The following NMNAT2 variants were observed in gnomAD, a reference collection of about 807,000 sequenced individuals.
NMNAT2 encodes nicotinamide/nicotinic acid mononucleotide adenylyltransferase 2.
In NMNAT2, 11 loss-of-function variants were observed where a neutral mutation model predicts 41.6. The ratio of observed to expected loss-of-function variants is 0.26; its 90% CI spans 0.17 to 0.44. NMNAT2 has a LOEUF of 0.44. Among genes scored for constraint, NMNAT2 ranks in the 20% least tolerant of loss-of-function variants. The pLI is 1.00. For synonymous variants in NMNAT2, 148 were observed against 151.2 expected, an observed-to-expected ratio of 0.98 and a Z score of 0.16; for missense variants, 288 against 407.7, an observed-to-expected ratio of 0.71 and a Z score of 2.53.
intron 1 of NMNAT2, among the ~76,000 whole-genome samples, chr1:183,401,516 A>G (rs1266126271): frequency 6.6e-6 from 1 of 152,216 alleles, no homozygotes; most frequent in Non-Finnish European, 1.5e-5. Flanking sequence ...GCGATTCCTG[A>G]AGGATCTAGA....
chr1:183,309,469 T>A (rs150897636), intron 1 of NMNAT2, among the ~76,000 whole-genome samples: 148 of 152,338 alleles, frequency 9.7e-4, no homozygotes, highest in African/African-American at 2.8e-3. Flanking sequence ...AGGCCTCATG[T>A]CACTCACTCT....
At chr1:183,319,042 G>A (rs1005452013) in intron 1 of NMNAT2, among the ~76,000 whole-genome samples, 2 of 152,164 alleles carry the variant, frequency 1.3e-5, no homozygotes, top group African/African-American at 2.4e-5. Context: ...ACTGTCTTGT[G>A]GGGACACAGG....
chr1:183,351,767 C>T (rs1663051138), intron 1 of NMNAT2, among the ~76,000 whole-genome samples: 1 of 152,096 alleles, frequency 6.6e-6, no homozygotes, highest in South Asian at 2.1e-4. Flanking sequence ...AGCTGCTGGT[C>T]CTTCCACAAT....
chr1:183,304,667 C>T (rs1366573164), intron 1 of NMNAT2: 4 of 1,613,506 alleles, frequency 2.5e-6, no homozygotes, highest in Non-Finnish European at 3.4e-6. Flanking sequence ...TGTCTGAACT[C>T]ACCTGAGAGA....
intron 1 of NMNAT2, among the ~76,000 whole-genome samples, chr1:183,416,281 G>A (rs150631884): frequency 1.3e-5 from 2 of 152,346 alleles, no homozygotes; most frequent in African/African-American, 4.8e-5. Context: ...AGCAGTACCT[G>A]CTGGGTCATC....
Position 183,261,298 on chromosome 1 carries a change from C to T in NMNAT2, c.657G>A (p.Glu219=). ...CAATCCCAAAGTCACCAACAATCAC[C>T]TCCATCTAAAGAAACAGAGAGAGGG... ...IPGLWNEADM[E]VIVGDFGIVV... Residue 219 remains glutamate, a synonymous_variant, in exon 9 of 11, where the codon GAG becomes GAA. Transcript: ENST00000287713. 6.2e-7 allele frequency: 1 copy of T among 1,613,298 alleles called. No homozygotes were observed. The highest frequency in any genetic ancestry group is 1.1e-5 in the South Asian group (1 of 91,054).
chr1:183,291,698 A>G (rs755602443), intron 3 of NMNAT2, among the ~76,000 whole-genome samples: 1 of 152,168 alleles, frequency 6.6e-6, no homozygotes, highest in African/African-American at 2.4e-5. Context: ...GGTCCCCAGC[A>G]TCCCCAGAAG....
At chr1:183,405,204 A>G (rs1379444146) in intron 1 of NMNAT2, among the ~76,000 whole-genome samples, 1 of 152,142 alleles carries the variant, frequency 6.6e-6, no homozygotes, top group East Asian at 1.9e-4. Flanking sequence ...TGGGTGACAG[A>G]GCAAGACTCT....
chr1:183,411,864 G>T lies in NMNAT2; in HGVS notation c.85+6319C>A, dbSNP rs574679664. On this transcript the variant is annotated intron_variant, in intron 1 of 10. Transcript: ENST00000287713. ...GTGCAATTTTAAATTATGTGATCAG[G>T]GGAGTAGGTTCTGCCAAGTGGACAA... 3.3e-5 allele frequency among the ~76,000 whole-genome samples: 5 copies of T among 152,264 alleles called. No homozygotes were observed. In the East Asian group the frequency reaches 9.7e-4, roughly 29 times the overall value.
chr1:183,260,314 G>T (rs1287907266), intron 10 of NMNAT2, among the ~76,000 whole-genome samples: 1 of 152,216 alleles, frequency 6.6e-6, no homozygotes, highest in Non-Finnish European at 1.5e-5. Flanking sequence ...TGAGGCCATA[G>T]ATTCCATCTT....
intron 1 of NMNAT2, among the ~76,000 whole-genome samples, chr1:183,342,991 A>T (rs1322483259): frequency 6.6e-6 from 1 of 151,798 alleles, no homozygotes; most frequent in Admixed American, 6.6e-5. Flanking sequence ...TCCCACCTCA[A>T]CCTCCCAAAG....
At chr1:183,262,867 G>A (rs980486833) in intron 8 of NMNAT2, among the ~76,000 whole-genome samples, 1 of 152,224 alleles carries the variant, frequency 6.6e-6, no homozygotes, top group African/African-American at 2.4e-5. Context: ...GAGGTAGGTG[G>A]CTTCTAAGCA....
At chr1:183,314,785 A>C (rs1273350440) in intron 1 of NMNAT2, among the ~76,000 whole-genome samples, 1 of 152,218 alleles carries the variant, frequency 6.6e-6, no homozygotes, top group African/African-American at 2.4e-5. Context: ...AAGCTGAGGC[A>C]GGAGCCTTCC....
chr1:183,384,888 AC>A (rs1648157246), intron 1 of NMNAT2, among the ~76,000 whole-genome samples: 1 of 152,060 alleles, frequency 6.6e-6, no homozygotes, highest in Non-Finnish European at 1.5e-5. Context: ...TATGACCAAG[AC>A]CATTACCAAA....
intron 1 of NMNAT2, among the ~76,000 whole-genome samples, chr1:183,345,832 AC>A (rs1028429436): frequency 4.6e-5 from 7 of 151,492 alleles, no homozygotes; most frequent in African/African-American, 1.7e-4. Flanking sequence ...GACTACAGGC[AC>A]CCGCCACCAT....
At chr1:183,404,905 A>G (rs2788061) in intron 1 of NMNAT2, among the ~76,000 whole-genome samples, 104,836 of 152,108 alleles carry the variant, frequency 0.69, 36,362 homozygotes, top group East Asian at 0.91. Flanking sequence ...CAGATAGACA[A>G]AGAAGCAATT....
chr1:183,257,339 G>C (rs1660542514), intron 10 of NMNAT2, among the ~76,000 whole-genome samples: 1 of 152,004 alleles, frequency 6.6e-6, no homozygotes, highest in African/African-American at 2.4e-5. Context: ...TACTTGGGAG[G>C]CTGAGGCAGG....
At chr1:183,253,904 CGTGTGTGTGTGTGTGT>C (rs139756017) in intron 10 of NMNAT2, among the ~76,000 whole-genome samples, 22 of 144,372 alleles carry the variant, frequency 1.5e-4, no homozygotes, top group African/African-American at 5.1e-4. Context: ...GTTCCACTTC[CGTGTGTGTGTGTGTGT>C]GTGTGTGTGT....
intron 1 of NMNAT2, among the ~76,000 whole-genome samples, chr1:183,416,536 T>C (rs1649256109): frequency 6.6e-6 from 1 of 152,248 alleles, no homozygotes; most frequent in South Asian, 2.1e-4. Context: ...AGAAGACTGA[T>C]GACATGCTCT....
Sources: allele counts gnomAD v4.1 joint callset (sites outside exome capture counted in the v4.1 genomes callset), GRCh38; gene constraint gnomAD v4.1.1; transcripts MANE v1.5; gene names NCBI Gene and HGNC (gene_info 2026-07-23, HGNC 2026-07-21).